The following SCARB2 variants were observed in gnomAD, a reference collection of about 807,000 sequenced individuals.
SCARB2 encodes the protein scavenger receptor class B member 2, also known as lysosome membrane protein 2.
Under a neutral mutation model 58.6 loss-of-function variants are expected in SCARB2, and 29 were observed. That is an observed-to-expected ratio of 0.49 (90% CI 0.37 to 0.67). SCARB2 has a LOEUF of 0.67. SCARB2 is among the 30% of genes least tolerant of loss of function. The pLI is 0.00. For missense variants in SCARB2, 488 were observed against 578.5 expected (o/e 0.84, Z 1.60); for synonymous variants, 195 against 210.1 (o/e 0.93, Z 0.62).
At chr4:76,167,659 TTCCCTCCC>T (rs1348874514) in intron 9 of SCARB2, among the ~76,000 whole-genome samples, 3 of 127,710 alleles carry the variant, frequency 2.3e-5, no homozygotes, top group Non-Finnish European at 4.9e-5. Flanking sequence ...TTCCTTTCCT[TTCCCTCCC>T]TCCCTCCCCC....
chr4:76,174,066 C>T, intron 7 of SCARB2, 78 bp downstream of exon 7: 35 of 1,569,626 alleles, frequency 2.2e-5, no homozygotes, highest in Non-Finnish European at 3.0e-5. Flanking sequence ...CCACTACGCC[C>T]AGCTACATAT....
chr4:76,214,117 G>A (rs1439244748), upstream of SCARB2: 1 of 412,154 alleles, frequency 2.4e-6, no homozygotes, highest in South Asian at 1.7e-5. Flanking sequence ...TACTCATTCC[G>A]CAGATAGGTC....
chr4:76,227,799 T>A (rs2109983778), intron 1 of SCARB2, among the ~76,000 whole-genome samples: 1 of 152,368 alleles, frequency 6.6e-6, no homozygotes, highest in East Asian at 1.9e-4. Flanking sequence ...TTGTCTTTTC[T>A]AACTGTTGTT....
chr4:76,208,872 T>C (rs550887895), intron 1 of SCARB2, among the ~76,000 whole-genome samples: 23 of 152,328 alleles, frequency 1.5e-4, no homozygotes, highest in South Asian at 8.3e-4. Flanking sequence ...ATAGAATTTA[T>C]TGTCCAAAGC....
intron 1 of SCARB2, among the ~76,000 whole-genome samples, chr4:76,231,475 T>C (rs1733491144): frequency 1.3e-5 from 2 of 152,192 alleles, no homozygotes; most frequent in South Asian, 2.1e-4. Context: ...ATGACAAATA[T>C]ATGATAGGTT....
chr4:76,167,338 G>A (rs1045264503), intron 9 of SCARB2, among the ~76,000 whole-genome samples: 2 of 152,140 alleles, frequency 1.3e-5, no homozygotes, highest in African/African-American at 4.8e-5. Flanking sequence ...GGTGGGGCTT[G>A]GTAGGCAGTG....
chr4:76,176,041 C>A (rs925021719), intron 5 of SCARB2, 131 bp from the exon 6 acceptor site: 2 of 1,133,710 alleles, frequency 1.8e-6, no homozygotes, highest in South Asian at 2.7e-5. Flanking sequence ...ACAGACACAA[C>A]AGTTTTAATT....
chr4:76,198,462 C>T (rs1732759204), intron 1 of SCARB2, among the ~76,000 whole-genome samples: 1 of 152,222 alleles, frequency 6.6e-6, no homozygotes, highest in Non-Finnish European at 1.5e-5. Flanking sequence ...GAACTTGTTC[C>T]TCCAACTTTC....
chr4:76,213,927 G>A, upstream of SCARB2: 1 of 161,392 alleles, frequency 6.2e-6, no homozygotes, highest in Non-Finnish European at 1.3e-5. Flanking sequence ...GGCGGAGGCC[G>A]CAGTCATGTG....
At chr4:76,233,480 G>T (rs1054367396) in intron 1 of SCARB2, among the ~76,000 whole-genome samples, 3 of 152,034 alleles carry the variant, frequency 2.0e-5, no homozygotes, top group African/African-American at 7.3e-5. Flanking sequence ...GAACTGAAAG[G>T]CATCACAGCT....
chr4:76,187,335 A>T (rs1732508502), intron 2 of SCARB2, among the ~76,000 whole-genome samples: 1 of 152,240 alleles, frequency 6.6e-6, no homozygotes, highest in African/African-American at 2.4e-5. Flanking sequence ...ACAGAGTGCC[A>T]TGAACACTCC....
At chr4:76,221,920 GA>G (rs1184895154) in intron 1 of SCARB2, among the ~76,000 whole-genome samples, 3 of 152,022 alleles carry the variant, frequency 2.0e-5, no homozygotes, top group South Asian at 2.1e-4. Flanking sequence ...AAAATCAAAG[GA>G]AAAAAATGCG....
Position 76,213,726 on chromosome 4 carries a change from G to A in SCARB2, c.-183C>T. On this transcript the variant is annotated 5_prime_UTR_variant, in exon 1 of 12. Transcript: ENST00000264896. ...CGGCCTGGCGAGCGCGGCCCCGGGT[G>A]CACCGGGCGGATGGGGCCGCGGAGG... The A allele has an allele frequency of 2.0e-6, 1 of 504,670 alleles. No homozygotes were observed. Among genetic ancestry groups the A allele is most frequent in the Non-Finnish European group, 3.5e-6 (1 of 289,574 alleles). 31.3% of individuals were successfully genotyped at this position (504,670 alleles called of 1,614,324 possible).
intron 6 of SCARB2, chr4:76,175,017 T>C (rs1044815647): frequency 1.3e-5 from 2 of 153,116 alleles, no homozygotes; most frequent in Admixed American, 6.5e-5. Flanking sequence ...AAGAGCCTTC[T>C]GGGCCTCACT....
At chr4:76,182,833 A>T (rs1185772381) in intron 2 of SCARB2, among the ~76,000 whole-genome samples, 1 of 152,230 alleles carries the variant, frequency 6.6e-6, no homozygotes, top group Non-Finnish European at 1.5e-5. Context: ...AAAACATCGT[A>T]AGTTGAAAGT....
At chr4:76,177,973 TGAC>T (rs1292178383) in intron 4 of SCARB2, among the ~76,000 whole-genome samples, 1 of 152,232 alleles carries the variant, frequency 6.6e-6, no homozygotes, top group African/African-American at 2.4e-5. Flanking sequence ...CACAACCTTG[TGAC>T]TATACTAAGG....
intron 1 of SCARB2, among the ~76,000 whole-genome samples, chr4:76,212,106 A>C (rs946348541): frequency 4.6e-5 from 7 of 152,124 alleles, no homozygotes; most frequent in Non-Finnish European, 8.8e-5. Flanking sequence ...AAGAAAACTC[A>C]CATATTTACT....
chr4:76,186,703 T>C (rs1732494801), intron 2 of SCARB2, among the ~76,000 whole-genome samples: 2 of 152,220 alleles, frequency 1.3e-5, no homozygotes, highest in Non-Finnish European at 2.9e-5. Context: ...TAGGCTCACG[T>C]AGGCAATTCA....
At chr4:76,208,863 T>C (rs566837314) in intron 1 of SCARB2, among the ~76,000 whole-genome samples, 3 of 152,234 alleles carry the variant, frequency 2.0e-5, no homozygotes, top group African/African-American at 7.2e-5. Flanking sequence ...GGGATGGCCA[T>C]AGAATTTATT....
Sources: gnomAD v4.1 joint callset for allele counts (sites outside exome capture counted in the v4.1 genomes callset) on GRCh38, gnomAD v4.1.1 for gene constraint, MANE v1.5 for transcripts, NCBI Gene and HGNC (gene_info 2026-07-23, HGNC 2026-07-21) for gene names.